Variants in DST observed in about 807,000 individuals in gnomAD.
The protein encoded by DST is dystonin.
In DST, 253 loss-of-function variants were observed where a neutral mutation model predicts 875.2. The observed-to-expected ratio is 0.29, with a 90% CI of 0.26 to 0.32. The LOEUF (loss-of-function observed/expected upper bound fraction) is 0.32. Ranked by LOEUF, DST falls within the 10% of genes least tolerant of loss-of-function variation. The pLI, the probability that DST is intolerant of heterozygous loss-of-function variation, is 1.00. For missense variants in DST, 8,287 were observed against 9,111.6 expected, an observed-to-expected ratio of 0.91 and a Z score of 3.68; for synonymous variants, 3,124 against 3,197.1, an observed-to-expected ratio of 0.98 and a Z score of 0.77.
chr6:56,508,819 G>C (rs1025128311), intron 74 of DST, 64 bp from the exon 75 acceptor site: 6 of 1,310,288 alleles, frequency 4.6e-6, no homozygotes, highest in Admixed American at 2.3e-5. Flanking sequence ...AAAGCAGAAT[G>C]TTATAGTTCA....
chr6:56,934,261 T>C (rs1481650618), intron 2 of DST, among the ~76,000 whole-genome samples: 1 of 151,662 alleles, frequency 6.6e-6, no homozygotes, highest in Non-Finnish European at 1.5e-5. Flanking sequence ...ACTCAAATTC[T>C]CCCCCTCCTC....
intron 69 of DST, among the ~76,000 whole-genome samples, chr6:56,518,750 G>A (rs1172845793): frequency 2.0e-5 from 3 of 152,096 alleles, no homozygotes; most frequent in Non-Finnish European, 4.4e-5. Flanking sequence ...AATGATCACT[G>A]AAATGACCTC....
intron 2 of DST, among the ~76,000 whole-genome samples, chr6:56,916,778 T>TCTCA (rs1470233953): frequency 0.043 from 3,918 of 91,212 alleles, 89 homozygotes; most frequent in Non-Finnish European, 0.052. Context: ...TCTCTCTCTC[T>TCTCA]CACACACACA....
chr6:56,881,815 A>G (rs1373770947), intron 3 of DST, among the ~76,000 whole-genome samples: 3 of 152,294 alleles, frequency 2.0e-5, no homozygotes, highest in African/African-American at 7.2e-5. Context: ...ATTTGCCATC[A>G]GTGGAAGAAT....
intron 9 of DST, among the ~76,000 whole-genome samples, chr6:56,675,712 C>T (rs2099125136): frequency 6.6e-6 from 1 of 151,970 alleles, no homozygotes; most frequent in African/African-American, 2.4e-5. Context: ...ATTAGCTGGG[C>T]ATGGTGGCAC....
chr6:56,869,037 T>G (rs1775694076), intron 3 of DST, among the ~76,000 whole-genome samples: 1 of 152,238 alleles, frequency 6.6e-6, no homozygotes, highest in Non-Finnish European at 1.5e-5. Context: ...AAGCTATGCC[T>G]TGGCAGACGA....
At chr6:56,583,538 T>C (rs940757902) in intron 49 of DST, among the ~76,000 whole-genome samples, 1 of 152,062 alleles carries the variant, frequency 6.6e-6, no homozygotes, top group Non-Finnish European at 1.5e-5. Flanking sequence ...TTCTCCCATT[T>C]TGTAGGTTGC....
In DST at chr6:56,639,576, T is replaced by A. The variant is rs200851963; in HGVS notation, c.2733A>T (p.Thr911=). ...TSRNQERHLD[T]LHNFVSRATN... ...TCGCACGACTTACAAAATTATGGAGTGTATCAAGGTGCCGTTCTTGATTCC... is the reference window on the plus strand; with the variant it reads ...TCGCACGACTTACAAAATTATGGAGAGTATCAAGGTGCCGTTCTTGATTCC... Residue 911 remains threonine (T), a synonymous_variant, in exon 21 of 104, where the codon ACA becomes ACT. Coordinates refer to ENST00000680361, the MANE Select transcript of DST (RefSeq NM_001374736.1). 1.6e-4 allele frequency: 264 copies of A among 1,613,828 alleles called. 1 individual carries two copies. The East Asian group carries it at 5.5e-3, about 34-fold the overall frequency.
intron 85 of DST, 138 bp from the exon 86 acceptor site, chr6:56,489,747 A>G: frequency 1.2e-6 from 1 of 825,630 alleles, no homozygotes; most frequent in Non-Finnish European, 1.7e-6. Flanking sequence ...GAAGAAGAAA[A>G]AAGTAATGCT....
At chr6:56,761,459 T>C (rs1274843301) in intron 4 of DST, among the ~76,000 whole-genome samples, 1 of 152,222 alleles carries the variant, frequency 6.6e-6, no homozygotes, top group Non-Finnish European at 1.5e-5. Context: ...GTTATGTTGG[T>C]GCAAAAGTAA....
chr6:56,724,360 A>G (rs1406151517), intron 5 of DST, among the ~76,000 whole-genome samples: 1 of 152,214 alleles, frequency 6.6e-6, no homozygotes, highest in Admixed American at 6.5e-5. Flanking sequence ...TAAGATAAGA[A>G]ATGTTTACAC....
intron 5 of DST, among the ~76,000 whole-genome samples, chr6:56,723,793 G>A (rs2099431213): frequency 6.6e-6 from 1 of 152,088 alleles, no homozygotes. Context: ...GATTAAACAG[G>A]GTTCTCTCCC....
intron 8 of DST, among the ~76,000 whole-genome samples, chr6:56,700,081 T>C (rs2099289760): frequency 1.3e-5 from 2 of 152,196 alleles, no homozygotes; most frequent in South Asian, 4.1e-4. Flanking sequence ...CCACCTCCTG[T>C]CAGATCAGCC....
chr6:56,786,655 C>T (rs1318603101), intron 4 of DST, among the ~76,000 whole-genome samples: 1 of 152,192 alleles, frequency 6.6e-6, no homozygotes, highest in Admixed American at 6.5e-5. Context: ...GCCTCAGCCT[C>T]CCAAGTAGCT....
At chr6:56,591,589 G>A (rs1260415096) in intron 49 of DST, among the ~76,000 whole-genome samples, 2 of 152,150 alleles carry the variant, frequency 1.3e-5, no homozygotes, top group Admixed American at 6.5e-5. Flanking sequence ...TAAGTATAAA[G>A]ATAAATAAGT....
intron 9 of DST, among the ~76,000 whole-genome samples, chr6:56,685,925 G>A (rs1471473226): frequency 1.3e-5 from 2 of 152,174 alleles, no homozygotes; most frequent in African/African-American, 2.4e-5. Context: ...ATTCAACCCA[G>A]TAGTCCCATT....
rs2095526396 is a variant in DST at position 56,485,332 on chromosome 6, T to C, written c.21187A>G (p.Asn7063Asp). The change falls in exon 88 of 104, where the codon AAT becomes GAT. Residue 7063 changes from asparagine to aspartate, a missense_variant. Asn to Asp is a conservative substitution (Grantham distance 23). Transcript: ENST00000680361. ...AATACCTTGTGATTATCGATCAGAT[T>C]CATCACCAAATCAATGTCTCCATGA... ...PVHGDIDLVM[N>D]LIDNHKAFQK... 1 of 1,613,794 alleles carries C rather than the reference T, an allele frequency of 6.2e-7. No individual in the cohort carries two copies. The highest frequency in any genetic ancestry group is 8.5e-7 in the Non-Finnish European group (1 of 1,179,806).
chr6:56,573,571 G>A (rs1316740741), intron 51 of DST, 108 bp downstream of exon 51: 3 of 785,818 alleles, frequency 3.8e-6, no homozygotes, highest in Non-Finnish European at 6.1e-6. Context: ...TTCAGTAAAT[G>A]TCTCTTTTTT....
chr6:56,513,034 A>G (rs73749949), intron 72 of DST, among the ~76,000 whole-genome samples: 5,353 of 152,254 alleles, frequency 0.035, 116 homozygotes, highest in Non-Finnish European at 0.043. Flanking sequence ...GGAAAACTGA[A>G]GATGTTACAT....
Sources: allele counts gnomAD v4.1 joint callset (sites outside exome capture counted in the v4.1 genomes callset), GRCh38; gene constraint gnomAD v4.1.1; transcripts MANE v1.5; gene names NCBI Gene and HGNC (gene_info 2026-07-23, HGNC 2026-07-21).